RANBP2: variants seen among roughly 807,000 people sequenced by gnomAD.
The protein encoded by RANBP2 is RAN binding protein 2.
In RANBP2, 57 loss-of-function variants were observed where a neutral mutation model predicts 303.6. That is an observed-to-expected ratio of 0.19 (90% CI 0.15 to 0.23). The LOEUF (loss-of-function observed/expected upper bound fraction) is 0.23, where lower values mean the gene tolerates loss of function less well. RANBP2 is among the 10% of genes least tolerant of loss of function. The pLI is 1.00. For synonymous variants in RANBP2, 1,167 were observed against 1,301.5 expected (o/e 0.90, Z 2.23); for missense variants, 3,138 against 3,780.8 (o/e 0.83, Z 4.46).
chr2:109,555,585 C>T, the RANBP2 span, among the ~76,000 whole-genome samples: 1 of 152,210 alleles, frequency 6.6e-6, no homozygotes, highest in Non-Finnish European at 1.5e-5. Flanking sequence ...AACTGACAAA[C>T]TGCGTCTGCC....
At chr2:109,613,382 G>C in the RANBP2 span, 1 of 327,704 alleles carries the variant, frequency 3.1e-6, no homozygotes, top group Non-Finnish European at 6.0e-6. Context: ...AGGGGAGCCG[G>C]GCTTTCTCCC....
In RANBP2 at chr2:108,735,776, A is replaced by G. The variant is rs1417119310; in HGVS notation, c.636+14A>G. ...CAGACCCTTAAGGTAGATAAAAGCT[A>G]TTGGGTCTTTACATTTCTATGTAGG... On this transcript the variant is annotated intron_variant, in intron 5 of 28. Coordinates refer to ENST00000283195, the MANE Select transcript of RANBP2 (RefSeq NM_006267.5). The G allele has an allele frequency of 6.3e-7, 1 of 1,597,544 alleles. No individual in the cohort carries two copies. The highest frequency in any genetic ancestry group is 8.5e-7 in the Non-Finnish European group (1 of 1,179,778).
At chr2:109,468,164 A>G in the RANBP2 span, among the ~76,000 whole-genome samples, 1 of 152,176 alleles carries the variant, frequency 6.6e-6, no homozygotes, top group African/African-American at 2.4e-5. Flanking sequence ...CACAGAGTGG[A>G]CTCACACAAA....
At chr2:109,616,892 AACTT>A in the RANBP2 span, 6 of 167,156 alleles carry the variant, frequency 3.6e-5, no homozygotes, top group Middle Eastern at 3.4e-3. Context: ...GATTCTCACT[AACTT>A]TTGTTACTAT....
At chr2:109,578,597 T>C in the RANBP2 span, among the ~76,000 whole-genome samples, 1 of 151,962 alleles carries the variant, frequency 6.6e-6, no homozygotes, top group African/African-American at 2.4e-5. Context: ...CGAAACCCCA[T>C]CTCTACTAAA....
the RANBP2 span, among the ~76,000 whole-genome samples, chr2:109,258,067 C>T: frequency 1.3e-5 from 2 of 152,198 alleles, no homozygotes; most frequent in Non-Finnish European, 2.9e-5. Context: ...GCCCTGCCAT[C>T]CCTGGGCTAC....
chr2:109,774,502 A>ATTT, the RANBP2 span, among the ~76,000 whole-genome samples: 12 of 118 alleles, frequency 0.1, 3 homozygotes, highest in African/African-American at 0.14. Flanking sequence ...AAACAAACAT[A>ATTT]TATATATATA....
At chr2:109,217,222 C>A in the RANBP2 span, among the ~76,000 whole-genome samples, 1 of 152,174 alleles carries the variant, frequency 6.6e-6, no homozygotes, top group East Asian at 1.9e-4. Context: ...ATTCTGGGAG[C>A]AATCACTCTT....
At chr2:109,685,311 C>T in the RANBP2 span, among the ~76,000 whole-genome samples, 1 of 152,202 alleles carries the variant, frequency 6.6e-6, no homozygotes, top group Non-Finnish European at 1.5e-5. Context: ...TTCGCACTTA[C>T]ACCAGTATAT....
the RANBP2 span, among the ~76,000 whole-genome samples, chr2:109,561,518 G>T: frequency 6.6e-6 from 1 of 152,066 alleles, no homozygotes; most frequent in African/African-American, 2.4e-5. Context: ...AAATACTTAA[G>T]ATTTTACCCA....
the RANBP2 span, among the ~76,000 whole-genome samples, chr2:109,229,764 C>T: frequency 2.0e-5 from 3 of 152,020 alleles, no homozygotes; most frequent in Admixed American, 6.6e-5. Flanking sequence ...TGTCACTTAA[C>T]ATCATCCAGG....
chr2:109,416,861 C>T, the RANBP2 span, among the ~76,000 whole-genome samples: 2 of 149,952 alleles, frequency 1.3e-5, no homozygotes, highest in Non-Finnish European at 3.0e-5. Flanking sequence ...GCTGAGATCG[C>T]GCCACTGCAT....
At chr2:108,749,853 A>G (rs953817992) in intron 9 of RANBP2, among the ~76,000 whole-genome samples, 6 of 151,992 alleles carry the variant, frequency 3.9e-5, no homozygotes, top group Non-Finnish European at 7.4e-5. Context: ...CTAAGCCCCC[A>G]AAGTGTTGGG....
chr2:109,379,718 G>T, the RANBP2 span, among the ~76,000 whole-genome samples: 1 of 152,206 alleles, frequency 6.6e-6, no homozygotes, highest in Non-Finnish European at 1.5e-5. Flanking sequence ...AATCCTGCTT[G>T]CATTTCTGTG....
the RANBP2 span, among the ~76,000 whole-genome samples, chr2:109,167,482 A>T: frequency 1.3e-5 from 2 of 152,140 alleles, no homozygotes; most frequent in Non-Finnish European, 2.9e-5. Context: ...CTGGTGTCTT[A>T]TTCATTATTT....
At chr2:108,789,658 A>G (rs991386342), downstream of RANBP2, among the ~76,000 whole-genome samples, 1 of 152,184 alleles carries the variant, frequency 6.6e-6, no homozygotes, top group Admixed American at 6.5e-5. Context: ...GCATTTTACT[A>G]TCTCTGGTGT....
chr2:108,886,865 A>T, the RANBP2 span, among the ~76,000 whole-genome samples: 2 of 152,058 alleles, frequency 1.3e-5, no homozygotes, highest in African/African-American at 2.4e-5. Context: ...TCTGTTGATC[A>T]TTTCCTTTTC....
chr2:109,129,177 C>G, the RANBP2 span: 1 of 446,926 alleles, frequency 2.2e-6, no homozygotes, highest in Non-Finnish European at 4.3e-6. Flanking sequence ...TGCCGCTGGT[C>G]TCCCAGGCGC....
At chr2:109,585,362 G>C in the RANBP2 span, 1 of 1,476,232 alleles carries the variant, frequency 6.8e-7, no homozygotes, top group Non-Finnish European at 9.2e-7. Context: ...TGCATGAATG[G>C]CTGAAAAGAA....
Sources: gnomAD v4.1 joint callset for allele counts (sites outside exome capture counted in the v4.1 genomes callset) on GRCh38, gnomAD v4.1.1 for gene constraint, MANE v1.5 for transcripts, NCBI Gene and HGNC (gene_info 2026-07-23, HGNC 2026-07-21) for gene names.